Variants in TMEM163 observed in about 807,000 individuals in gnomAD.
TMEM163 encodes the protein transmembrane protein 163.
In TMEM163, 17 loss-of-function variants were observed where a neutral mutation model predicts 29.3. The ratio of observed to expected loss-of-function variants is 0.58; its 90% CI spans 0.40 to 0.87. The LOEUF is 0.87. TMEM163 is among the 40% of genes least tolerant of loss of function. The probability of loss-of-function intolerance (pLI) is 0.00; values close to 1 mark genes in which losing one functional copy is unlikely to be tolerated. For synonymous variants in TMEM163, 157 were observed against 160.6 expected (o/e 0.98, Z 0.17); for missense variants, 303 against 381.5 (o/e 0.79, Z 1.71).
intron 5 of TMEM163, among the ~76,000 whole-genome samples, chr2:134,474,659 T>C (rs947295840): frequency 6.6e-6 from 1 of 152,190 alleles, no homozygotes; most frequent in African/African-American, 2.4e-5. Context: ...ATTAGAACTA[T>C]AAGTGAGTTT....
intron 4 of TMEM163, among the ~76,000 whole-genome samples, chr2:134,524,329 T>C (rs201704939): frequency 2.3e-5 from 1 of 44,436 alleles, no homozygotes; most frequent in Non-Finnish European, 3.6e-5. Flanking sequence ...AGAGTTTTTG[T>C]TTTTTAATAT....
Position 134,718,996 on chromosome 2 carries a change from A to C in TMEM163, c.-61T>G, listed in dbSNP as rs1490662559. The stretch of plus-strand genomic sequence containing the variant: ...AAGCGCGGCGGGGACTCGAGTCAGA[A>C]GTGCGAGGCGCCGCGGCTCTGGCGG... On this transcript the variant is annotated 5_prime_UTR_variant, in exon 1 of 8. Coordinates refer to ENST00000281924, the MANE Select transcript of TMEM163 (RefSeq NM_030923.5). The C allele has an allele frequency of 2.2e-6, 2 of 930,066 alleles. No homozygotes were observed. Among genetic ancestry groups the C allele is most frequent in the Non-Finnish European group, 2.5e-6 (2 of 794,614 alleles). 57.6% of individuals were successfully genotyped at this position (930,066 alleles called of 1,614,324 possible). A position where few individuals can be genotyped will look rare whatever the true frequency, so the allele number is the denominator to read the frequency against.
chr2:134,548,791 C>T (rs1680844193), intron 4 of TMEM163, among the ~76,000 whole-genome samples: 1 of 152,030 alleles, frequency 6.6e-6, no homozygotes, highest in Admixed American at 6.6e-5. Context: ...GTACACATAG[C>T]CTGAAGGTAA....
intron 2 of TMEM163, among the ~76,000 whole-genome samples, chr2:134,624,613 A>T (rs1465495370): frequency 6.6e-6 from 1 of 152,240 alleles, no homozygotes; most frequent in Non-Finnish European, 1.5e-5. Context: ...TAAAAATTTT[A>T]AAAATTTAAA....
chr2:134,501,966 T>G (rs1044271806), intron 5 of TMEM163, among the ~76,000 whole-genome samples: 1 of 152,152 alleles, frequency 6.6e-6, no homozygotes, highest in Non-Finnish European at 1.5e-5. Context: ...GGAAAACAAC[T>G]TAAAGCAGCC....
At chr2:134,493,566 G>T (rs1018318989) in intron 5 of TMEM163, among the ~76,000 whole-genome samples, 16 of 151,776 alleles carry the variant, frequency 1.1e-4, no homozygotes, top group Admixed American at 1.0e-3. Flanking sequence ...TAGAGACAGG[G>T]TTTCACCACG....
At chr2:134,464,218 G>A (rs1686612533) in intron 6 of TMEM163, among the ~76,000 whole-genome samples, 1 of 152,192 alleles carries the variant, frequency 6.6e-6, no homozygotes, top group South Asian at 2.1e-4. Context: ...CACATGGCAT[G>A]CAGGAGTGCT....
intron 2 of TMEM163, among the ~76,000 whole-genome samples, chr2:134,647,826 A>G (rs181433872): frequency 5.1e-4 from 77 of 152,342 alleles, no homozygotes; most frequent in African/African-American, 1.8e-3. Flanking sequence ...CGGGGAGCAC[A>G]GGTGAGTAGG....
intron 2 of TMEM163, among the ~76,000 whole-genome samples, chr2:134,659,820 T>G (rs753924341): frequency 1.3e-5 from 2 of 151,902 alleles, no homozygotes; most frequent in Non-Finnish European, 2.9e-5. Context: ...GGTGTGAGCC[T>G]GTAGTCCCAA....
intron 2 of TMEM163, among the ~76,000 whole-genome samples, chr2:134,682,063 C>A (rs184687093): frequency 8.1e-4 from 124 of 152,280 alleles, no homozygotes; most frequent in African/African-American, 2.9e-3. Context: ...AGTCTTTCAG[C>A]CTTTCTCAAT....
chr2:134,522,479 T>TGCTA (rs1374892414), intron 4 of TMEM163, among the ~76,000 whole-genome samples: 1 of 152,234 alleles, frequency 6.6e-6, no homozygotes, highest in Non-Finnish European at 1.5e-5. Flanking sequence ...GCATCCGAAG[T>TGCTA]GCTAGCACTT....
intron 2 of TMEM163, among the ~76,000 whole-genome samples, chr2:134,602,551 A>G (rs1027817345): frequency 6.6e-6 from 1 of 152,194 alleles, no homozygotes; most frequent in Non-Finnish European, 1.5e-5. Flanking sequence ...GTTGCTGTCA[A>G]AGCAGGTAGC....
intron 5 of TMEM163, chr2:134,469,871 C>G (rs77589073): frequency 1.3e-5 from 2 of 152,428 alleles, no homozygotes; most frequent in African/African-American, 4.8e-5. Context: ...TTTGTCCTTG[C>G]GCCTTTCTCT....
chr2:134,621,934 G>T (rs75763923), intron 2 of TMEM163, among the ~76,000 whole-genome samples: 205 of 151,900 alleles, frequency 1.3e-3, no homozygotes, highest in African/African-American at 4.9e-3. Flanking sequence ...AACCCAATGT[G>T]GTATATCTGC....
intron 2 of TMEM163, among the ~76,000 whole-genome samples, chr2:134,626,833 T>C (rs1312887725): frequency 6.6e-6 from 1 of 152,248 alleles, no homozygotes; most frequent in East Asian, 1.9e-4. Flanking sequence ...TTTGCTATCA[T>C]TAATAATGCT....
chr2:134,523,281 C>T (rs867174846), intron 4 of TMEM163, among the ~76,000 whole-genome samples: 2 of 151,994 alleles, frequency 1.3e-5, no homozygotes, highest in African/African-American at 4.8e-5. Context: ...TACTGAACTG[C>T]GACAACACCA....
chr2:134,638,371 T>A (rs1464194008), intron 2 of TMEM163, among the ~76,000 whole-genome samples: 1 of 152,120 alleles, frequency 6.6e-6, no homozygotes, highest in South Asian at 2.1e-4. Context: ...TAAATCCTAG[T>A]AGAAGTGGAA....
intron 2 of TMEM163, among the ~76,000 whole-genome samples, chr2:134,565,446 A>C (rs1025909413): frequency 6.6e-6 from 1 of 152,016 alleles, no homozygotes; most frequent in Non-Finnish European, 1.5e-5. Flanking sequence ...TCTCTACTGA[A>C]AATACAAAAA....
intron 7 of TMEM163, 96 bp downstream of exon 7, chr2:134,457,936 A>G: frequency 1.3e-6 from 2 of 1,570,968 alleles, no homozygotes; most frequent in Middle Eastern, 1.7e-4. Context: ...ACAAAATATG[A>G]CCTTCAGAAG....
Sources: allele counts gnomAD v4.1 joint callset (sites outside exome capture counted in the v4.1 genomes callset), GRCh38; gene constraint gnomAD v4.1.1; transcripts MANE v1.5; gene names NCBI Gene and HGNC (gene_info 2026-07-23, HGNC 2026-07-21).